The following TMPRSS11E variants were observed in gnomAD, a reference collection of about 807,000 sequenced individuals.
The protein encoded by TMPRSS11E is transmembrane serine protease 11E, also known as transmembrane protease serine 11E.
Under a neutral mutation model 48.1 loss-of-function variants are expected in TMPRSS11E, and 38 were observed. That is an observed-to-expected ratio of 0.79 (90% confidence interval 0.61 to 1.04). TMPRSS11E has a LOEUF of 1.04. Ranked by LOEUF, TMPRSS11E falls within the 50% of genes least tolerant of loss-of-function variation. The probability of loss-of-function intolerance (pLI) is 0.00; values close to 1 mark genes in which losing one functional copy is unlikely to be tolerated. For synonymous variants in TMPRSS11E, 158 were observed against 171.9 expected (o/e 0.92, Z 0.63); for missense variants, 530 against 510.8 (o/e 1.04, Z -0.36).
Position 68,471,515 on chromosome 4 carries a change from A to G in TMPRSS11E, c.382A>G (p.Thr128Ala), listed in dbSNP as rs543569632. Residue 128 changes from threonine (T) to alanine (A), a missense_variant, in exon 5 of 10, where the codon ACT becomes GCT. Transcript: ENST00000305363. Reference protein sequence around the residue: ...HMLLICRFHSTEDPETVDKIV... With the variant: ...HMLLICRFHSAEDPETVDKIV... Reference sequence around the variant, plus strand: ...GCTGTTGATTTGTAGATTTCACTCTACTGAGGATCCTGAAACTGTAGATAA... The same window carrying G: ...GCTGTTGATTTGTAGATTTCACTCTGCTGAGGATCCTGAAACTGTAGATAA... The G allele has an allele frequency of 7.7e-5, 124 of 1,609,634 alleles. No individual in the cohort carries two copies. In the South Asian group the frequency reaches 1.1e-3, roughly 15 times the overall value.
chr4:68,462,239 C>A (rs766423635), intron 2 of TMPRSS11E, among the ~76,000 whole-genome samples: 2 of 151,834 alleles, frequency 1.3e-5, no homozygotes, highest in Non-Finnish European at 2.9e-5. Flanking sequence ...TAGCTAGAAC[C>A]AATGTCTTGA....
At chr4:68,467,307 C>T (rs539788258) in intron 3 of TMPRSS11E, among the ~76,000 whole-genome samples, 125 of 152,180 alleles carry the variant, frequency 8.2e-4, no homozygotes, top group Admixed American at 6.4e-3. Context: ...CTACCCTTAA[C>T]GCATCAACAT....
rs577593669 is a variant in TMPRSS11E at position 68,497,592 on chromosome 4, T to C, written c.*788T>C. On this transcript the variant is annotated 3_prime_UTR_variant, in exon 10 of 10. Coordinates refer to ENST00000305363, the MANE Select transcript of TMPRSS11E (RefSeq NM_014058.4). ...AGGATGTCAACATATAACAATAAAA[T>C]ATAAATCACCCATTTGCTTGACATT... 6.6e-6 allele frequency: 1 copy of C among 152,180 alleles called. No homozygotes were observed. Among genetic ancestry groups the C allele is most frequent in the South Asian group, 2.1e-4 (1 of 4,828 alleles). The allele number at this position is 152,180 out of a possible 1,614,324, so 9.4% of individuals were successfully genotyped here.
At chr4:68,448,514 T>C (rs542777645) in intron 1 of TMPRSS11E, among the ~76,000 whole-genome samples, 3 of 152,054 alleles carry the variant, frequency 2.0e-5, no homozygotes, top group Admixed American at 1.3e-4. Context: ...GACTTTACTA[T>C]AGAAAACAGT....
rs149429220 is a variant in TMPRSS11E, at chr4:68,448,218, T to C, written c.11+695T>C. ...AAATTTATTTTCTCTGATTCTCATA[T>C]TGGCATATCATTTTTTATTAGTTTT... On this transcript the variant is annotated intron_variant, in intron 1 of 9. Transcript: ENST00000305363. Among the ~76,000 whole-genome samples the C allele has an allele frequency of 7.4e-3, 1,125 of 152,088 alleles. 22 individuals carry two copies. Among genetic ancestry groups the C allele is most frequent in the African/African-American group, 0.026 (1,083 of 41,528 alleles).
In TMPRSS11E at chr4:68,461,891, T is replaced by A. The variant is rs1292394947; in HGVS notation, c.82T>A (p.Ser28Thr). ...PWVIGLVIFI[S>T]LIVLAVCIGL... ...GGTTATCGGCCTCGTCATCTTCATA[T>A]CCCTGATTGTCCTGGCAGTGTGCAT... Residue 28 changes from serine (S) to threonine (T), a missense_variant, in exon 2 of 10, where the codon TCC becomes ACC. By Grantham distance (58) the Ser-to-Thr change is moderately conservative. Transcript: ENST00000305363. 1 of 1,614,084 alleles carries A rather than the reference T, an allele frequency of 6.2e-7. No individual in the cohort carries two copies. Among genetic ancestry groups the A allele is most frequent in the Non-Finnish European group, 8.5e-7 (1 of 1,180,020 alleles).
intron 9 of TMPRSS11E, among the ~76,000 whole-genome samples, chr4:68,481,132 G>A (rs1264019896): frequency 6.6e-6 from 1 of 152,086 alleles, no homozygotes; most frequent in Non-Finnish European, 1.5e-5. Context: ...AAAAACCATG[G>A]TTTCATTTTG....
intron 1 of TMPRSS11E, among the ~76,000 whole-genome samples, chr4:68,457,623 A>G (rs552058814): frequency 1.3e-5 from 2 of 152,276 alleles, no homozygotes; most frequent in Admixed American, 1.3e-4. Context: ...CACTGTTCAC[A>G]ATAGCAAAGA....
At chr4:68,488,820 G>A (rs1456102785) in intron 9 of TMPRSS11E, among the ~76,000 whole-genome samples, 2 of 152,192 alleles carry the variant, frequency 1.3e-5, no homozygotes, top group Non-Finnish European at 2.9e-5. Flanking sequence ...GATTACAGGC[G>A]TGAGCCACCG....
chr4:68,474,206 A>T (rs1365884928), intron 5 of TMPRSS11E, among the ~76,000 whole-genome samples: 1 of 152,156 alleles, frequency 6.6e-6, no homozygotes, highest in Non-Finnish European at 1.5e-5. Context: ...TGACTTCAAA[A>T]AGGGTAACAT....
intron 3 of TMPRSS11E, among the ~76,000 whole-genome samples, chr4:68,467,011 T>C (rs1278527563): frequency 6.6e-6 from 1 of 152,138 alleles, no homozygotes. Flanking sequence ...AGTGATATAC[T>C]CTTGATCAGT....
In TMPRSS11E at chr4:68,496,685, A is replaced by T; in HGVS notation, c.1153A>T (p.Ile385Phe). Residue 385 changes from isoleucine to phenylalanine, a missense_variant, in exon 10 of 10, where the codon ATC (isoleucine) becomes TTC (phenylalanine). Ile to Phe is a conservative substitution (Grantham distance 21, BLOSUM62 0). Transcript: ENST00000305363. ...ACTGGTTAGTTCAGATGCTAGAGAT[A>T]TCTGGTACCTTGCTGGAATAGTGAG... is the stretch of plus-strand genomic sequence containing the variant. ...GPLVSSDARD[I>F]WYLAGIVSWG... 6.2e-7 allele frequency: 1 copy of T among 1,613,678 alleles called. No homozygotes were observed. The highest frequency in any genetic ancestry group is 8.5e-7 in the Non-Finnish European group (1 of 1,179,664).
chr4:68,467,192 G>C (rs1428619395), intron 3 of TMPRSS11E, among the ~76,000 whole-genome samples: 1 of 151,938 alleles, frequency 6.6e-6, no homozygotes, highest in Admixed American at 6.6e-5. Flanking sequence ...CCAGCTTTTG[G>C]TATATAAATC....
At chr4:68,450,449 A>G (rs1728465510) in intron 1 of TMPRSS11E, among the ~76,000 whole-genome samples, 1 of 151,960 alleles carries the variant, frequency 6.6e-6, no homozygotes, top group South Asian at 2.1e-4. Flanking sequence ...ATTTTAAAAT[A>G]TACTTTTTTC....
At chr4:68,462,649 G>T (rs2109675128) in intron 2 of TMPRSS11E, among the ~76,000 whole-genome samples, 1 of 152,080 alleles carries the variant, frequency 6.6e-6, no homozygotes, top group South Asian at 2.1e-4. Context: ...ACACAATCTG[G>T]AGTCATAAAG....
chr4:68,451,261 C>T lies in TMPRSS11E; in HGVS notation c.11+3738C>T, dbSNP rs142474372. Reference sequence around the variant, plus strand: ...AAGTGCGCTCCTTTGGATCTGCTCTCATTGAAGATAATAGCTAAGAACTGT... The same window carrying T: ...AAGTGCGCTCCTTTGGATCTGCTCTTATTGAAGATAATAGCTAAGAACTGT... On this transcript the variant is annotated intron_variant, in intron 1 of 9. Transcript: ENST00000305363. 1.1e-3 allele frequency among the ~76,000 whole-genome samples: 164 copies of T among 151,986 alleles called. 1 individual carries two copies. Among genetic ancestry groups the T allele is most frequent in the African/African-American group, 3.8e-3 (158 of 41,506 alleles).
At chr4:68,491,506 G>T (rs1729722042) in intron 9 of TMPRSS11E, among the ~76,000 whole-genome samples, 1 of 151,966 alleles carries the variant, frequency 6.6e-6, no homozygotes, top group Non-Finnish European at 1.5e-5. Context: ...TCCCATATTG[G>T]TCTGGAGCGT....
In TMPRSS11E at chr4:68,486,982, T is replaced by A. The variant is rs575909011; in HGVS notation, c.1110+7991T>A. Among the ~76,000 whole-genome samples, 14 of 152,296 alleles carry A rather than the reference T, an allele frequency of 9.2e-5. No individual in the cohort carries two copies. The South Asian group carries it at 2.7e-3, about 29-fold the overall frequency. On this transcript the variant is annotated intron_variant, in intron 9 of 9. Transcript: ENST00000305363. ...GTTTTTCATTTGCTTGGTAGATCTT[T>A]CCTTATGCCTTTACTTTGAGACTAT...
intron 6 of TMPRSS11E, among the ~76,000 whole-genome samples, chr4:68,475,464 C>T (rs1365098395): frequency 6.6e-6 from 1 of 152,068 alleles, no homozygotes; most frequent in Admixed American, 6.6e-5. Flanking sequence ...TTTCTAAAAT[C>T]AACTAAACAC....
Sources: gnomAD v4.1 joint callset for allele counts (sites outside exome capture counted in the v4.1 genomes callset) on GRCh38, gnomAD v4.1.1 for gene constraint, MANE v1.5 for transcripts, NCBI Gene and HGNC (gene_info 2026-07-23, HGNC 2026-07-21) for gene names.